The following LRRIQ1 variants were observed in gnomAD, a reference collection of about 807,000 sequenced individuals.
The protein encoded by LRRIQ1 is leucine rich repeats and IQ motif containing 1.
A neutral mutation model predicts 211.9 loss-of-function variants in LRRIQ1; 210 were observed. That is an observed-to-expected ratio of 0.99 (90% CI 0.89 to 1.11). The LOEUF is 1.11. LRRIQ1 is among the 50% of genes most tolerant of loss of function. LRRIQ1 has a pLI of 0.00. For missense variants in LRRIQ1, 2,136 were observed against 1,939.5 expected (o/e 1.10, Z -1.90); for synonymous variants, 699 against 650.1 (o/e 1.08, Z -1.14).
intron 24 of LRRIQ1, among the ~76,000 whole-genome samples, chr12:85,182,065 T>G (rs1892005481): frequency 6.6e-6 from 1 of 152,084 alleles, no homozygotes; most frequent in Admixed American, 6.6e-5. Flanking sequence ...TAAACTTAAC[T>G]CAAATGTTTA....
intron 24 of LRRIQ1, among the ~76,000 whole-genome samples, chr12:85,218,425 G>A (rs1022444424): frequency 1.3e-5 from 2 of 151,952 alleles, no homozygotes; most frequent in Non-Finnish European, 2.9e-5. Context: ...TAGTAATATG[G>A]CTAGTAAATC....
chr12:85,089,526 T>C (rs1885164199), intron 11 of LRRIQ1, among the ~76,000 whole-genome samples: 3 of 152,298 alleles, frequency 2.0e-5, no homozygotes, highest in South Asian at 2.1e-4. Flanking sequence ...GAGAAACTTA[T>C]GGGGAATTGG....
Position 85,047,448 on chromosome 12 carries a change from A to G in LRRIQ1, c.656A>G (p.Lys219Arg), listed in dbSNP as rs1879757876. ...CWMKQFKVEK[K>R]KLENIQKQEQ... Reference sequence around the variant, plus strand: ...ATGAAACAATTTAAAGTTGAAAAGAAGAAATTAGAGAACATTCAGAAGGTA... The same window carrying G: ...ATGAAACAATTTAAAGTTGAAAAGAGGAAATTAGAGAACATTCAGAAGGTA... Residue 219 changes from lysine to arginine, a missense_variant, in exon 6 of 27, where the codon AAG becomes AGG. Lys to Arg is a conservative substitution (Grantham distance 26). Coordinates refer to ENST00000393217, the MANE Select transcript of LRRIQ1 (RefSeq NM_001079910.2). 1 of 1,612,028 alleles carries G rather than the reference A, an allele frequency of 6.2e-7. No homozygotes were observed.
chr12:85,217,612 ATATATATG>A lies in LRRIQ1; in HGVS notation c.4823-11881_4823-11874del, dbSNP rs533149532. 1.9e-3 allele frequency among the ~76,000 whole-genome samples: 239 copies of A among 127,322 alleles called. 1 individual carries two copies. The highest frequency in any genetic ancestry group is 4.4e-3 in the East Asian group (14 of 3,218). The allele number at this position is 127,322 out of a possible 152,430, so 83.5% of individuals were successfully genotyped here. A position where few individuals can be genotyped will look rare whatever the true frequency, so the allele number is the denominator to read the frequency against. Reference sequence around the variant, plus strand: ...TATATATGTATATATGTATATGTGTATATATATGTATATATGTATATATGTATATATAT... The same window carrying A: ...TATATATGTATATATGTATATGTGTATATATATGTATATATGTATATATAT... On this transcript the variant is annotated intron_variant, in intron 24 of 26. Coordinates refer to ENST00000393217, the MANE Select transcript of LRRIQ1 (RefSeq NM_001079910.2).
intron 24 of LRRIQ1, among the ~76,000 whole-genome samples, chr12:85,225,814 C>G (rs1894623440): frequency 6.6e-6 from 1 of 152,162 alleles, no homozygotes; most frequent in African/African-American, 2.4e-5. Context: ...CTTATTCTTC[C>G]TACACAAGTT....
At position 85,197,908 on chromosome 12, in the gene LRRIQ1, T is replaced by C. The variant is rs370525551; in HGVS notation, c.4823-31609T>C. Among the ~76,000 whole-genome samples the C allele has an allele frequency of 1.9e-3, 237 of 122,428 alleles. 7 individuals are homozygous for C. In the East Asian group the frequency reaches 0.042, roughly 22 times the overall value. 80.3% of individuals were successfully genotyped at this position (122,428 alleles called of 152,430 possible). A position where few individuals can be genotyped will look rare whatever the true frequency, so the allele number is the denominator to read the frequency against. On this transcript the variant is annotated intron_variant, in intron 24 of 26. Coordinates refer to ENST00000393217, the MANE Select transcript of LRRIQ1 (RefSeq NM_001079910.2). ...AACATAATAAAAATATAATAAAATATATAATAAAAATATATATAATATAAT... is the reference window on the plus strand; with the variant it reads ...AACATAATAAAAATATAATAAAATACATAATAAAAATATATATAATATAAT...
rs535290354 is a variant in LRRIQ1, at chr12:85,244,701, G to C, written c.5017-88G>C. ...TGAAGAAGGTTGTTTGACAGAGCCT[G>C]TTTGTTTATTTGGGGTAATGTGAGC... is the stretch of plus-strand genomic sequence containing the variant. On this transcript the variant is annotated intron_variant, in intron 26 of 26. Coordinates refer to ENST00000393217, the MANE Select transcript of LRRIQ1 (RefSeq NM_001079910.2). 1.5e-4 allele frequency: 170 copies of C among 1,142,226 alleles called. No homozygotes were observed. In the African/African-American group the frequency reaches 2.5e-3, roughly 17 times the overall value. The allele number at this position is 1,142,226 out of a possible 1,614,324, so 70.8% of individuals were successfully genotyped here.
intron 1 of LRRIQ1, among the ~76,000 whole-genome samples, chr12:85,258,821 G>T (rs1896200497): frequency 6.6e-6 from 1 of 151,756 alleles, no homozygotes; most frequent in Non-Finnish European, 1.5e-5. Context: ...ACATAATGTT[G>T]GGTATATCAA....
At chr12:85,094,043 A>T (rs1314260254) in intron 11 of LRRIQ1, among the ~76,000 whole-genome samples, 2 of 152,190 alleles carry the variant, frequency 1.3e-5, no homozygotes, top group Admixed American at 6.6e-5. Flanking sequence ...TACATTTGAG[A>T]CAACTTCAAA....
chr12:85,225,426 T>C (rs1894604163), intron 24 of LRRIQ1, among the ~76,000 whole-genome samples: 1 of 152,198 alleles, frequency 6.6e-6, no homozygotes, highest in Non-Finnish European at 1.5e-5. Context: ...TAACCAGTGG[T>C]TGTCTTGATA....
intron 23 of LRRIQ1, among the ~76,000 whole-genome samples, chr12:85,154,692 A>G (rs1335201665): frequency 6.6e-6 from 1 of 151,370 alleles, no homozygotes; most frequent in East Asian, 1.9e-4. Context: ...GGAGTCAGAG[A>G]AGAAATATCA....
chr12:85,148,997 ATTTGTT>A (rs1156771511), intron 19 of LRRIQ1, among the ~76,000 whole-genome samples: 2 of 150,874 alleles, frequency 1.3e-5, no homozygotes, highest in Admixed American at 1.3e-4. Flanking sequence ...TGATGGGGTT[ATTTGTT>A]TTTTTCTTGT....
chr12:85,258,635 C>T (rs1896194622), intron 1 of LRRIQ1, among the ~76,000 whole-genome samples: 2 of 151,876 alleles, frequency 1.3e-5, no homozygotes, highest in Admixed American at 6.6e-5. Flanking sequence ...CCCAAATTTG[C>T]GCAACGTAAC....
intron 15 of LRRIQ1, among the ~76,000 whole-genome samples, chr12:85,110,507 T>A (rs1040695485): frequency 1.2e-4 from 18 of 152,262 alleles, no homozygotes; most frequent in African/African-American, 4.1e-4. Context: ...CCAGGAAATC[T>A]AACTCATGCA....
intron 8 of LRRIQ1, among the ~76,000 whole-genome samples, chr12:85,060,237 C>A (rs1409711795): frequency 6.6e-6 from 1 of 151,866 alleles, no homozygotes; most frequent in Non-Finnish European, 1.5e-5. Flanking sequence ...TCGAGGGCTG[C>A]TTAATAGCCC....
Position 85,124,403 on chromosome 12 carries a change from G to C in LRRIQ1, c.3891G>C (p.Gln1297His). The C allele has an allele frequency of 6.2e-7, 1 of 1,614,042 alleles. No homozygotes were observed. Among genetic ancestry groups the C allele is most frequent in the South Asian group, 1.1e-5 (1 of 91,078 alleles). ...EGRHQEILVC[Q>H]KREDSKASSI... ...GACATCAGGAAATATTAGTATGTCA[G>C]AAGAGAGAAGACAGCAAGGCAAGCA... Residue 1297 changes from glutamine (Q) to histidine (H), a missense_variant, in exon 17 of 27, where the codon CAG becomes CAC. Physicochemically the swap from Gln to His is conservative, Grantham distance 24. Coordinates refer to ENST00000393217, the MANE Select transcript of LRRIQ1 (RefSeq NM_001079910.2).
At chr12:85,155,376 T>C (rs1227463875) in intron 23 of LRRIQ1, among the ~76,000 whole-genome samples, 1 of 151,616 alleles carries the variant, frequency 6.6e-6, no homozygotes, top group Non-Finnish European at 1.5e-5. Context: ...GAATGCTATG[T>C]GGTGGTTACC....
chr12:85,271,508 C>T, the LRRIQ1 span, among the ~76,000 whole-genome samples: 1 of 152,130 alleles, frequency 6.6e-6, no homozygotes, highest in African/African-American at 2.4e-5. Context: ...GCCTCAGCCA[C>T]AGTACACAAA....
At chr12:85,183,394 A>G (rs1246228926) in intron 24 of LRRIQ1, among the ~76,000 whole-genome samples, 1 of 152,080 alleles carries the variant, frequency 6.6e-6, no homozygotes, top group Non-Finnish European at 1.5e-5. Flanking sequence ...TGAAAAAAAA[A>G]TCATTTTAAT....
Sources: allele counts gnomAD v4.1 joint callset (sites outside exome capture counted in the v4.1 genomes callset), GRCh38; gene constraint gnomAD v4.1.1; transcripts MANE v1.5; gene names NCBI Gene and HGNC (gene_info 2026-07-23, HGNC 2026-07-21).